Variants in PRKD3 observed in about 807,000 individuals in gnomAD.
The protein encoded by PRKD3 is protein kinase D3.
PRKD3 carries 47 observed loss-of-function variants against 99.2 expected under a neutral mutation model. The ratio of observed to expected loss-of-function variants is 0.47; its 90% CI spans 0.38 to 0.60. PRKD3 has a LOEUF of 0.60. PRKD3 is among the 20% of genes least tolerant of loss of function. PRKD3 has a pLI of 0.00. For synonymous variants in PRKD3, 392 were observed against 355.4 expected (o/e 1.10, Z -1.16); for missense variants, 1,019 against 1,088.4 (o/e 0.94, Z 0.90).
intron 6 of PRKD3, 38 bp downstream of exon 6, chr2:37,286,138 CA>C (rs777358810): frequency 6.8e-7 from 1 of 1,469,770 alleles, no homozygotes; most frequent in Non-Finnish European, 9.2e-7. Flanking sequence ...ATAACAAAAA[CA>C]GACATAAATT....
intron 14 of PRKD3, among the ~76,000 whole-genome samples, chr2:37,267,066 C>T (rs1406851313): frequency 6.6e-6 from 1 of 152,002 alleles, no homozygotes; most frequent in Non-Finnish European, 1.5e-5. Flanking sequence ...GAAATAAGTG[C>T]TGTTAAAAGG....
intron 2 of PRKD3, among the ~76,000 whole-genome samples, chr2:37,302,022 G>C (rs1236485134): frequency 6.6e-6 from 1 of 152,174 alleles, no homozygotes; most frequent in Admixed American, 6.5e-5. Flanking sequence ...TGCTGAAGCT[G>C]AGAAATCCTG....
chr2:37,295,050 G>C (rs1670616113), intron 2 of PRKD3, among the ~76,000 whole-genome samples: 3 of 152,162 alleles, frequency 2.0e-5, no homozygotes, highest in African/African-American at 4.8e-5. Flanking sequence ...ACTCCAGTCT[G>C]GGTGACTGAC....
chr2:37,280,813 G>A (rs532367401), intron 7 of PRKD3, among the ~76,000 whole-genome samples: 2 of 152,266 alleles, frequency 1.3e-5, no homozygotes, highest in Admixed American at 6.5e-5. Flanking sequence ...CTTACGAAGT[G>A]AAATGAAAGC....
chr2:37,254,096 G>T, intron 18 of PRKD3, 108 bp downstream of exon 18: 1 of 786,036 alleles, frequency 1.3e-6, no homozygotes, highest in Non-Finnish European at 2.2e-6. Flanking sequence ...AATCACTTAA[G>T]AGCACTTTTA....
chr2:37,282,918 A>G (rs1019294523), intron 6 of PRKD3, among the ~76,000 whole-genome samples: 1 of 152,220 alleles, frequency 6.6e-6, no homozygotes, highest in African/African-American at 2.4e-5. Context: ...CAAGCTGATT[A>G]AATTCCTATC....
At chr2:37,295,173 C>G (rs1428501809) in intron 2 of PRKD3, among the ~76,000 whole-genome samples, 3 of 152,278 alleles carry the variant, frequency 2.0e-5, no homozygotes, top group Non-Finnish European at 4.4e-5. Context: ...GTGCAAGATA[C>G]TGGCCCCACA....
At chr2:37,308,992 A>C (rs1489937053) in intron 2 of PRKD3, among the ~76,000 whole-genome samples, 1 of 151,982 alleles carries the variant, frequency 6.6e-6, no homozygotes, top group Non-Finnish European at 1.5e-5. Flanking sequence ...AATGCTCTTG[A>C]CTATTTTTCC....
intron 1 of PRKD3, among the ~76,000 whole-genome samples, chr2:37,319,412 G>A (rs1443196427): frequency 6.6e-6 from 1 of 152,066 alleles, no homozygotes; most frequent in East Asian, 1.9e-4. Flanking sequence ...AAGGCATAAA[G>A]AATATGCTTA....
rs201081982 is a variant in PRKD3, at chr2:37,257,789, TATTAAAG to T, written c.2146-867_2146-861del. On this transcript the variant is annotated intron_variant, in intron 16 of 18. Coordinates refer to ENST00000234179, the MANE Select transcript of PRKD3 (RefSeq NM_005813.6). ...CTGGCAAGTAAATAAAACTGAGGTG[TATTAAAG>T]GTAATTTTAAATGGGGACACCAGTG... 4.1e-3 allele frequency among the ~76,000 whole-genome samples: 620 copies of T among 152,020 alleles called. 6 individuals carry two copies. Among genetic ancestry groups the T allele is most frequent in the African/African-American group, 0.014 (591 of 41,458 alleles).
chr2:37,309,088 T>C (rs370542879), intron 2 of PRKD3, among the ~76,000 whole-genome samples: 3 of 152,248 alleles, frequency 2.0e-5, no homozygotes, highest in Admixed American at 1.3e-4. Context: ...GAAGTAAAAA[T>C]TACACACTAT....
At chr2:37,286,702 T>C (rs938324515) in intron 5 of PRKD3, among the ~76,000 whole-genome samples, 3 of 152,262 alleles carry the variant, frequency 2.0e-5, no homozygotes, top group Admixed American at 1.3e-4. Flanking sequence ...GTATTATTGC[T>C]GCTCATTTTG....
chr2:37,294,841 A>G (rs950194477), intron 2 of PRKD3, among the ~76,000 whole-genome samples: 17 of 152,204 alleles, frequency 1.1e-4, no homozygotes, highest in African/African-American at 4.1e-4. Context: ...TTGGAAGGCC[A>G]AGGCAGGCAG....
chr2:37,284,414 G>C (rs1440680264), intron 6 of PRKD3, among the ~76,000 whole-genome samples: 1 of 152,038 alleles, frequency 6.6e-6, no homozygotes, highest in East Asian at 1.9e-4. Flanking sequence ...AAATTCATTT[G>C]TATTTATTTT....
At chr2:37,289,238 A>G (rs1372529676) in intron 5 of PRKD3, 118 bp downstream of exon 5, 1 of 1,211,290 alleles carries the variant, frequency 8.3e-7, no homozygotes, top group African/African-American at 1.5e-5. Flanking sequence ...ATGTTTCTTA[A>G]GTGTAGGAAC....
chr2:37,313,225 G>A (rs1053742260), intron 2 of PRKD3, among the ~76,000 whole-genome samples: 6 of 151,754 alleles, frequency 4.0e-5, no homozygotes, highest in African/African-American at 1.5e-4. Context: ...CCACAGACAA[G>A]ATATAAAGGA....
chr2:37,300,337 G>A (rs58025063), intron 2 of PRKD3, among the ~76,000 whole-genome samples: 6,828 of 152,252 alleles, frequency 0.045, 560 homozygotes, highest in African/African-American at 0.16. Context: ...TGACCTCATG[G>A]AGATAGAGAG....
intron 8 of PRKD3, chr2:37,278,508 T>C (rs1336654659): frequency 6.6e-6 from 1 of 152,248 alleles, no homozygotes; most frequent in African/African-American, 2.4e-5. Context: ...ATTAAGAAAA[T>C]GTAACAAGTC....
At chr2:37,268,211 G>T (rs942413408) in intron 13 of PRKD3, 3 of 421,494 alleles carry the variant, frequency 7.1e-6, no homozygotes, top group South Asian at 3.6e-5. Flanking sequence ...ATTTATTTTA[G>T]ATTAACTCAT....
Sources: gnomAD v4.1 joint callset for allele counts (sites outside exome capture counted in the v4.1 genomes callset) on GRCh38, gnomAD v4.1.1 for gene constraint, MANE v1.5 for transcripts, NCBI Gene and HGNC (gene_info 2026-07-23, HGNC 2026-07-21) for gene names.